Variants in RANBP10 observed in about 807,000 individuals in gnomAD.
RANBP10 encodes ran-binding protein 10.
RANBP10 carries 24 observed loss-of-function variants against 72.8 expected under a neutral mutation model. That is an observed-to-expected ratio of 0.33 (90% CI 0.24 to 0.46). The LOEUF (loss-of-function observed/expected upper bound fraction) is 0.46. Ranked by LOEUF, RANBP10 falls within the 20% of genes least tolerant of loss-of-function variation. RANBP10 has a pLI of 1.00. For synonymous variants in RANBP10, 310 were observed against 322.3 expected, an observed-to-expected ratio of 0.96 and a Z score of 0.41; for missense variants, 679 against 817.5, an observed-to-expected ratio of 0.83 and a Z score of 2.07.
intron 2 of RANBP10, among the ~76,000 whole-genome samples, chr16:67,794,129 C>T (rs1241060986): frequency 2.0e-5 from 3 of 152,134 alleles, no homozygotes; most frequent in Non-Finnish European, 4.4e-5. Context: ...GCAATCCTTC[C>T]GTCTTGGCCT....
chr16:67,755,535 T>TTAGC (rs2054270503), intron 3 of RANBP10, among the ~76,000 whole-genome samples: 1 of 151,866 alleles, frequency 6.6e-6, no homozygotes, highest in African/African-American at 2.4e-5. Flanking sequence ...CATACAAAAA[T>TTAGC]TAGCCGGGCA....
chr16:67,803,541 T>A (rs2055274003), intron 2 of RANBP10, among the ~76,000 whole-genome samples: 1 of 150,022 alleles, frequency 6.7e-6, no homozygotes, highest in Admixed American at 6.7e-5. Context: ...GCCCAGCTAC[T>A]CAGGAGGCTG....
intron 2 of RANBP10, among the ~76,000 whole-genome samples, 169 bp from the exon 3 acceptor site, chr16:67,772,255 C>T (rs752493110): frequency 2.1e-4 from 32 of 152,126 alleles, no homozygotes; most frequent in Non-Finnish European, 4.3e-4. Context: ...TTTTGATTTG[C>T]TAATGGAAAG....
Position 67,735,009 on chromosome 16 carries a change from G to C in RANBP10, c.625C>G (p.Pro209Ala). The C allele has an allele frequency of 6.2e-7, 1 of 1,612,584 alleles. No individual in the cohort carries two copies. The highest frequency in any genetic ancestry group is 8.5e-7 in the Non-Finnish European group (1 of 1,179,064). The change falls in exon 6 of 14, where the codon CCT (proline) becomes GCT (alanine). Residue 209 changes from proline (P) to alanine (A), a missense_variant. Transcript: ENST00000317506. The part of the protein sequence containing the change: ...NLYPTVGLQT[P>A]GEIVDANFGQ... ...AAGTTGGCGTCCACAATCTCCCCAGGTGTCTGCAGGCCTACGGTGGGGTAG... is the reference window on the plus strand; with the variant it reads ...AAGTTGGCGTCCACAATCTCCCCAGCTGTCTGCAGGCCTACGGTGGGGTAG...
chr16:67,796,532 A>C (rs2055138113), intron 2 of RANBP10, among the ~76,000 whole-genome samples: 2 of 152,160 alleles, frequency 1.3e-5, no homozygotes. Flanking sequence ...TCTGACCAGT[A>C]AATTATAGCT....
intron 1 of RANBP10, 50 bp downstream of exon 1, chr16:67,806,252 A>AC: frequency 6.6e-7 from 1 of 1,505,298 alleles, no homozygotes; most frequent in Non-Finnish European, 9.0e-7. Flanking sequence ...CAGCAGAGCC[A>AC]CCCCACGGAC....
rs2053699970 is a variant in RANBP10 at position 67,730,229 on chromosome 16, G to T, written c.890-183C>A. ...CCCAGCCCAACAGATCCTGGTTTCT[G>T]CCAAGTGTCAGAGAGTCCTCAAGAA... On this transcript the variant is annotated intron_variant, in intron 7 of 13. Coordinates refer to ENST00000317506, the MANE Select transcript of RANBP10 (RefSeq NM_020850.3). The surrounding 1 kb of genome is among the most constrained non-coding windows in gnomAD (Gnocchi z 4.3). 1.3e-5 allele frequency among the ~76,000 whole-genome samples: 2 copies of T among 152,190 alleles called. No homozygotes were observed. Among genetic ancestry groups the T allele is most frequent in the Non-Finnish European group, 2.9e-5 (2 of 68,018 alleles).
At chr16:67,733,970 A>T (rs2053787692) in intron 6 of RANBP10, among the ~76,000 whole-genome samples, 1 of 152,180 alleles carries the variant, frequency 6.6e-6, no homozygotes, top group African/African-American at 2.4e-5. Flanking sequence ...CATCCAAGGA[A>T]GTCCTTGTCA....
At chr16:67,751,259 A>C (rs2054190110) in intron 3 of RANBP10, among the ~76,000 whole-genome samples, 1 of 152,214 alleles carries the variant, frequency 6.6e-6, no homozygotes. Flanking sequence ...CAGATGCTTA[A>C]ATTTTCAAAG....
At chr16:67,771,511 A>G (rs1251258117) in intron 3 of RANBP10, among the ~76,000 whole-genome samples, 3 of 151,890 alleles carry the variant, frequency 2.0e-5, no homozygotes, top group Non-Finnish European at 4.4e-5. Flanking sequence ...ACACCCGACT[A>G]ATTTTTTATT....
intron 2 of RANBP10, among the ~76,000 whole-genome samples, chr16:67,793,669 C>G (rs2143019483): frequency 6.6e-6 from 1 of 152,116 alleles, no homozygotes; most frequent in South Asian, 2.1e-4. Context: ...ATTTAAGTAG[C>G]CTAGTCCACC....
chr16:67,765,418 C>T (rs987600565), intron 3 of RANBP10, among the ~76,000 whole-genome samples: 8 of 150,316 alleles, frequency 5.3e-5, no homozygotes, highest in African/African-American at 2.0e-4. Flanking sequence ...CCCAGCCACT[C>T]GGGAGGCTGA....
At chr16:67,758,176 G>A (rs148008141) in intron 3 of RANBP10, among the ~76,000 whole-genome samples, 233 of 152,296 alleles carry the variant, frequency 1.5e-3, no homozygotes, top group South Asian at 0.012. Context: ...GGTCTAGCTG[G>A]GTCTGGATAG....
rs1157983149 is a variant in RANBP10 at position 67,806,411 on chromosome 16, C to T, written c.126G>A (p.Leu42=). The change falls in exon 1 of 14, where the codon CTG becomes CTA. Residue 42 remains leucine, a synonymous_variant. Transcript: ENST00000317506. ...TCTCTTGCTGGTTGACCGCGGGATACAGGCGCTGCAAGCGCCGGCTCAGCT... is the reference window on the plus strand; with the variant it reads ...TCTCTTGCTGGTTGACCGCGGGATATAGGCGCTGCAAGCGCCGGCTCAGCT... ...EQELSRRLQR[L]YPAVNQQETP... 1.2e-6 allele frequency: 2 copies of T among 1,605,566 alleles called. No individual in the cohort carries two copies. Among genetic ancestry groups the T allele is most frequent in the Non-Finnish European group, 1.7e-6 (2 of 1,176,586 alleles).
At chr16:67,734,791 C>T (rs1176803940) in intron 6 of RANBP10, 67 bp downstream of exon 6, 2 of 1,421,504 alleles carry the variant, frequency 1.4e-6, no homozygotes, top group Non-Finnish European at 1.9e-6. Context: ...TGTAGCCCTA[C>T]AGGGGCCTAG....
chr16:67,753,812 C>T (rs2054238785), intron 3 of RANBP10, among the ~76,000 whole-genome samples: 2 of 151,996 alleles, frequency 1.3e-5, no homozygotes, highest in Admixed American at 1.3e-4. Context: ...CTGGCCTGAG[C>T]AAACAAGTAC....
At chr16:67,738,181 C>T in intron 4 of RANBP10, 146 bp from the exon 5 acceptor site, 1 of 916,710 alleles carries the variant, frequency 1.1e-6, no homozygotes, top group Admixed American at 3.0e-5. Flanking sequence ...CTCCGTAGCC[C>T]AGGCTGGAGT....
chr16:67,795,029 C>G (rs2143020000), intron 2 of RANBP10, among the ~76,000 whole-genome samples: 1 of 149,980 alleles, frequency 6.7e-6, no homozygotes, highest in South Asian at 2.1e-4. Context: ...CCAAGACAGG[C>G]AGATCACTTA....
intron 2 of RANBP10, among the ~76,000 whole-genome samples, chr16:67,797,128 GCTTCT>G (rs1211527400): frequency 6.6e-6 from 1 of 152,162 alleles, no homozygotes; most frequent in Non-Finnish European, 1.5e-5. Context: ...ATGAGCTTCT[GCTTCT>G]CTTCTAACAA....
Sources: allele counts gnomAD v4.1 joint callset (sites outside exome capture counted in the v4.1 genomes callset), GRCh38; gene constraint gnomAD v4.1.1; non-coding constraint Gnocchi (gnomAD v3.1); transcripts MANE v1.5; gene names NCBI Gene and HGNC (gene_info 2026-07-23, HGNC 2026-07-21).